Variants in TLK2 observed in about 807,000 individuals in gnomAD.
The protein encoded by TLK2 is tousled like kinase 2, also known as serine/threonine-protein kinase tousled-like 2.
In TLK2, 6 loss-of-function variants were observed where a neutral mutation model predicts 117.3. That is an observed-to-expected ratio of 0.05 (90% CI 0.03 to 0.10). The LOEUF (loss-of-function observed/expected upper bound fraction) is 0.10. TLK2 is among the 10% of genes least tolerant of loss of function. TLK2 has a pLI of 1.00. For synonymous variants in TLK2, 257 were observed against 316.7 expected, an observed-to-expected ratio of 0.81 and a Z score of 2.00; for missense variants, 299 against 901.2, an observed-to-expected ratio of 0.33 and a Z score of 8.56.
chr17:62,572,826 A>G (rs1197494255), intron 11 of TLK2: 2 of 154,158 alleles, frequency 1.3e-5, no homozygotes, highest in Non-Finnish European at 1.4e-5. Flanking sequence ...AAAATAAAAT[A>G]GAACTTGGAA....
chr17:62,528,239 A>C (rs1277269100), intron 6 of TLK2, among the ~76,000 whole-genome samples: 2 of 152,206 alleles, frequency 1.3e-5, no homozygotes, highest in Non-Finnish European at 2.9e-5. Context: ...GACAGGGAAG[A>C]ATAGATGGAT....
chr17:62,524,971 C>A (rs1406934233), intron 6 of TLK2, among the ~76,000 whole-genome samples: 1 of 152,130 alleles, frequency 6.6e-6, no homozygotes, highest in Non-Finnish European at 1.5e-5. Flanking sequence ...TTAGGACAGC[C>A]TCCCTGCAAA....
At chr17:62,573,495 T>A in intron 12 of TLK2, 128 bp downstream of exon 12, 1 of 1,270,334 alleles carries the variant, frequency 7.9e-7, no homozygotes, top group Non-Finnish European at 1.1e-6. Context: ...TCAGTTACAT[T>A]AATGGATTTG....
chr17:62,522,319 TTAGA>T (rs745747642), intron 4 of TLK2, 46 bp downstream of exon 4: 15 of 1,568,362 alleles, frequency 9.6e-6, no homozygotes, highest in Non-Finnish European at 1.3e-5. Flanking sequence ...TCTAATGTAC[TTAGA>T]TAGAATTTTC....
intron 3 of TLK2, among the ~76,000 whole-genome samples, chr17:62,521,052 A>G (rs2076009446): frequency 1.3e-5 from 2 of 152,140 alleles, no homozygotes; most frequent in South Asian, 4.1e-4. Context: ...CTGTGGCCCC[A>G]GCTACTTGGA....
At chr17:62,492,103 A>G (rs2073167410) in intron 2 of TLK2, among the ~76,000 whole-genome samples, 1 of 152,204 alleles carries the variant, frequency 6.6e-6, no homozygotes, top group African/African-American at 2.4e-5. Context: ...ATACAGGATA[A>G]TAAATTCCAA....
At chr17:62,563,450 A>T (rs1195162610) in intron 10 of TLK2, among the ~76,000 whole-genome samples, 1 of 151,312 alleles carries the variant, frequency 6.6e-6, no homozygotes, top group African/African-American at 2.4e-5. Flanking sequence ...CTCTTAAAAT[A>T]AAAAAAAAGA....
intron 9 of TLK2, 143 bp from the exon 10 acceptor site, chr17:62,559,873 A>G (rs2079131668): frequency 2.1e-6 from 1 of 485,614 alleles, no homozygotes; most frequent in Non-Finnish European, 3.8e-6. Flanking sequence ...TTTCTAAGAC[A>G]TAGTTACTTC....
chr17:62,475,411 C>T (rs2071019166), upstream of TLK2, among the ~76,000 whole-genome samples: 1 of 152,112 alleles, frequency 6.6e-6, no homozygotes, highest in Non-Finnish European at 1.5e-5. Context: ...GGCACGACCT[C>T]GGCTCACTGC....
At position 62,533,409 on chromosome 17, in the gene TLK2, AT is replaced by A. The variant is rs71357028; in HGVS notation, c.364-2747del. Among the ~76,000 whole-genome samples, 178 of 85,820 alleles carry A rather than the reference AT, an allele frequency of 2.1e-3. 8 individuals are homozygous for A. The highest frequency in any genetic ancestry group is 6.8e-3 in the African/African-American group (150 of 22,084). The allele number at this position is 85,820 out of a possible 152,430, so 56.3% of individuals were successfully genotyped here. A position where few individuals can be genotyped will look rare whatever the true frequency, so the allele number is the denominator to read the frequency against. On this transcript the variant is annotated intron_variant, in intron 6 of 21. Coordinates refer to ENST00000346027, the MANE Select transcript of TLK2 (RefSeq NM_006852.6). ...GTGTGTGTCTGTGTGTGTGTGTGTA[AT>A]TTTTTTTTTTTTTGAGACAGGGTCT...
intron 7 of TLK2, among the ~76,000 whole-genome samples, chr17:62,540,695 G>C (rs2077469879): frequency 6.6e-6 from 1 of 151,830 alleles, no homozygotes; most frequent in African/African-American, 2.4e-5. Flanking sequence ...CACTGCATCT[G>C]GCCTGTGTTC....
intron 2 of TLK2, among the ~76,000 whole-genome samples, chr17:62,498,384 G>GC (rs201610372): frequency 2.0e-3 from 248 of 124,108 alleles, no homozygotes; most frequent in African/African-American, 6.6e-3. Flanking sequence ...GTCGTAGAAA[G>GC]CCCCCCTTTT....
At chr17:62,604,909 G>A (rs1568011881) in intron 19 of TLK2, among the ~76,000 whole-genome samples, 1 of 151,928 alleles carries the variant, frequency 6.6e-6, no homozygotes. Context: ...TCTGCATTTG[G>A]ATGAGTTCAA....
intron 18 of TLK2, 22 bp from the exon 19 acceptor site, chr17:62,602,020 C>A: frequency 6.2e-7 from 1 of 1,602,680 alleles, no homozygotes; most frequent in South Asian, 1.1e-5. Flanking sequence ...TCTGCTTATT[C>A]ATGAAGGTTT....
upstream of TLK2, among the ~76,000 whole-genome samples, chr17:62,475,816 C>T (rs374188879): frequency 8.2e-4 from 123 of 150,066 alleles, 1 homozygote; most frequent in South Asian, 0.015. Flanking sequence ...CCCGCCACCA[C>T]GCCTGGCTAA....
chr17:62,589,293 T>G (rs1245626260), intron 16 of TLK2, among the ~76,000 whole-genome samples: 1 of 152,224 alleles, frequency 6.6e-6, no homozygotes, highest in African/African-American at 2.4e-5. Flanking sequence ...TTTGCAGAAG[T>G]AATTTGTATC....
At chr17:62,604,934 T>C (rs370515798) in intron 19 of TLK2, among the ~76,000 whole-genome samples, 3 of 152,214 alleles carry the variant, frequency 2.0e-5, no homozygotes, top group Admixed American at 1.3e-4. Flanking sequence ...TCCTATTCTT[T>C]CCTGCCACTG....
intron 7 of TLK2, among the ~76,000 whole-genome samples, chr17:62,539,252 C>T (rs996451276): frequency 2.0e-5 from 3 of 152,120 alleles, no homozygotes; most frequent in African/African-American, 7.2e-5. Flanking sequence ...GAAGCAGTTT[C>T]CCTTCCAGTA....
rs150616488 is a variant in TLK2, at chr17:62,606,914, G to A, written c.1971+673G>A. Among the ~76,000 whole-genome samples the A allele has an allele frequency of 5.5e-3, 829 of 152,074 alleles. 6 individuals carry two copies. The highest frequency in any genetic ancestry group is 0.019 in the African/African-American group (803 of 41,496). ...TAGGCTGTGGGTATAAGCCAGATGGGAGTTCTGTGTGTCCTTTGAATTCTT... is the reference window on the plus strand; with the variant it reads ...TAGGCTGTGGGTATAAGCCAGATGGAAGTTCTGTGTGTCCTTTGAATTCTT... On this transcript the variant is annotated intron_variant, in intron 20 of 21. Coordinates refer to ENST00000346027, the MANE Select transcript of TLK2 (RefSeq NM_006852.6).
Sources: gnomAD v4.1 joint callset for allele counts (sites outside exome capture counted in the v4.1 genomes callset) on GRCh38, gnomAD v4.1.1 for gene constraint, MANE v1.5 for transcripts, NCBI Gene and HGNC (gene_info 2026-07-23, HGNC 2026-07-21) for gene names.